The following CNIH3 variants were observed in gnomAD, a reference collection of about 807,000 sequenced individuals.
CNIH3 encodes cornichon family AMPA receptor auxiliary protein 3.
A neutral mutation model predicts 24.1 loss-of-function variants in CNIH3; 14 were observed. That is an observed-to-expected ratio of 0.58 (90% CI 0.38 to 0.91). The LOEUF is 0.91. CNIH3 is among the 40% of genes least tolerant of loss of function. The probability of loss-of-function intolerance (pLI) is 0.00; values close to 1 mark genes in which losing one functional copy is unlikely to be tolerated. For synonymous variants in CNIH3, 68 were observed against 73.8 expected (o/e 0.92, Z 0.40); for missense variants, 178 against 196.8 (o/e 0.90, Z 0.57).
At chr1:224,534,969 A>G (rs557121358) in intron 2 of CNIH3, among the ~76,000 whole-genome samples, 3 of 152,268 alleles carry the variant, frequency 2.0e-5, no homozygotes, top group Admixed American at 2.0e-4. Flanking sequence ...GCCTCTTCAG[A>G]AACACCAGGT....
intron 1 of CNIH3, among the ~76,000 whole-genome samples, chr1:224,471,652 G>A (rs1212363877): frequency 2.6e-5 from 4 of 150,960 alleles, no homozygotes; most frequent in Non-Finnish European, 5.9e-5. Flanking sequence ...GTGCAGTGGC[G>A]TGATCTCGGC....
Position 224,703,978 on chromosome 1 carries a change from G to A in CNIH3, c.198+19135G>A, listed in dbSNP as rs962131135. Among the ~76,000 whole-genome samples the A allele has an allele frequency of 1.3e-5, 2 of 151,012 alleles. No individual in the cohort carries two copies. The highest frequency in any genetic ancestry group is 6.6e-5 in the Admixed American group (1 of 15,226). Reference sequence around the variant, plus strand: ...GGGAGCAACGGTGCACCAATCATGCGATGAATGAGGCCAGAGTTTCATTGG... The same window carrying A: ...GGGAGCAACGGTGCACCAATCATGCAATGAATGAGGCCAGAGTTTCATTGG... On this transcript the variant is annotated intron_variant, in intron 3 of 5. Coordinates refer to ENST00000272133, the MANE Select transcript of CNIH3 (RefSeq NM_152495.2). The surrounding 1 kb of genome is among the most constrained non-coding windows in gnomAD (Gnocchi z 4.2).
chr1:224,555,984 T>A (rs1407729875), intron 3 of CNIH3, among the ~76,000 whole-genome samples: 1 of 152,212 alleles, frequency 6.6e-6, no homozygotes, highest in Non-Finnish European at 1.5e-5. Context: ...CACTGGCTGC[T>A]GGGGTTTTTT....
chr1:224,535,992 AC>A (rs1212796063), intron 2 of CNIH3, among the ~76,000 whole-genome samples: 1 of 152,176 alleles, frequency 6.6e-6, no homozygotes, highest in Non-Finnish European at 1.5e-5. Context: ...ACATCCCTTA[AC>A]CAGAAGCTGG....
At chr1:224,632,608 G>T (rs1201494318) in intron 1 of CNIH3, among the ~76,000 whole-genome samples, 3 of 152,154 alleles carry the variant, frequency 2.0e-5, no homozygotes, top group Non-Finnish European at 4.4e-5. Context: ...ATATGTGAGA[G>T]CGGGGTGGGG....
chr1:224,460,771 G>C (rs982428513), intron 1 of CNIH3, among the ~76,000 whole-genome samples: 2 of 134,426 alleles, frequency 1.5e-5, no homozygotes, highest in African/African-American at 6.5e-5. Flanking sequence ...TAGGTTTTTT[G>C]GGTTTTTTTT....
intron 1 of CNIH3, 54 bp downstream of exon 1, chr1:224,617,309 C>A: frequency 6.3e-7 from 1 of 1,579,748 alleles, no homozygotes; most frequent in South Asian, 1.1e-5. Context: ...CTAAATTTCC[C>A]CGATTTCACC....
At chr1:224,634,051 G>A (rs58012510) in intron 1 of CNIH3, among the ~76,000 whole-genome samples, 17,457 of 152,228 alleles carry the variant, frequency 0.11, 1,605 homozygotes, top group African/African-American at 0.25. Flanking sequence ...GGATTTGCTG[G>A]ACTTGTGGCC....
At chr1:224,677,954 G>A (rs549491993) in intron 1 of CNIH3, among the ~76,000 whole-genome samples, 64 of 152,294 alleles carry the variant, frequency 4.2e-4, no homozygotes, top group African/African-American at 1.5e-3. Flanking sequence ...CTTTATAACT[G>A]TATAGATAAT....
chr1:224,629,508 G>A (rs1309373826), intron 1 of CNIH3, among the ~76,000 whole-genome samples: 5 of 152,058 alleles, frequency 3.3e-5, no homozygotes, highest in African/African-American at 7.2e-5. Flanking sequence ...CGACAGTTCC[G>A]TTGTATGGAT....
intron 1 of CNIH3, among the ~76,000 whole-genome samples, chr1:224,487,532 A>G (rs888531201): frequency 1.3e-5 from 2 of 152,176 alleles, no homozygotes; most frequent in Non-Finnish European, 2.9e-5. Context: ...GTTTCCCTCC[A>G]TATTTTACTG....
chr1:224,730,101 A>G (rs533445294), intron 3 of CNIH3, among the ~76,000 whole-genome samples: 1 of 152,184 alleles, frequency 6.6e-6, no homozygotes, highest in South Asian at 2.1e-4. Context: ...CCCTTGCAGT[A>G]TTTCTCCTAG....
chr1:224,615,028 G>A (rs1343959639), upstream of CNIH3, among the ~76,000 whole-genome samples: 1 of 152,152 alleles, frequency 6.6e-6, no homozygotes, highest in Admixed American at 6.5e-5. Context: ...ATAGTAGAAA[G>A]AGCCCAGGAT....
chr1:224,666,861 A>T (rs754429812), intron 1 of CNIH3, among the ~76,000 whole-genome samples: 1 of 152,200 alleles, frequency 6.6e-6, no homozygotes, highest in Non-Finnish European at 1.5e-5. Flanking sequence ...GGCTACCCCA[A>T]ATGTTTGCAT....
chr1:224,709,071 T>G (rs1453164787), intron 3 of CNIH3, among the ~76,000 whole-genome samples: 12 of 152,206 alleles, frequency 7.9e-5, no homozygotes, highest in Non-Finnish European at 1.8e-4. Context: ...GTGTCTGCCC[T>G]CAGATCACTT....
chr1:224,479,968 TG>T (rs1300669518), intron 1 of CNIH3, among the ~76,000 whole-genome samples: 6 of 152,166 alleles, frequency 3.9e-5, no homozygotes, highest in African/African-American at 1.4e-4. Context: ...AGACTCTGTG[TG>T]GGGGCTTCGA....
intron 1 of CNIH3, among the ~76,000 whole-genome samples, chr1:224,679,786 TGGATTGG>T (rs1419315507): frequency 5.9e-5 from 9 of 152,236 alleles, no homozygotes; most frequent in Admixed American, 3.9e-4. Context: ...CCCATGTTGC[TGGATTGG>T]GGACATCTGG....
At chr1:224,526,278 A>G (rs712069) in intron 2 of CNIH3, among the ~76,000 whole-genome samples, 2,933 of 152,284 alleles carry the variant, frequency 0.019, 102 homozygotes, top group African/African-American at 0.066. Flanking sequence ...TGAATCCCCA[A>G]TGTGATCGTA....
intron 3 of CNIH3, among the ~76,000 whole-genome samples, chr1:224,728,599 G>A (rs575144711): frequency 6.6e-6 from 1 of 152,302 alleles, no homozygotes; most frequent in Admixed American, 6.5e-5. Context: ...TCTTACACGT[G>A]TGCTGTGCAT....
Sources: allele counts gnomAD v4.1 joint callset (sites outside exome capture counted in the v4.1 genomes callset), GRCh38; gene constraint gnomAD v4.1.1; non-coding constraint Gnocchi (gnomAD v3.1); transcripts MANE v1.5; gene names NCBI Gene and HGNC (gene_info 2026-07-23, HGNC 2026-07-21).